The following CTNNA2 variants were observed in gnomAD, a reference collection of about 807,000 sequenced individuals.
The protein encoded by CTNNA2 is catenin alpha 2.
CTNNA2 carries 42 observed loss-of-function variants against 101.0 expected under a neutral mutation model. The observed-to-expected ratio is 0.42, with a 90% CI of 0.32 to 0.54. The LOEUF is 0.54. Ranked by LOEUF, CTNNA2 falls within the 20% of genes least tolerant of loss-of-function variation. The pLI, the probability that CTNNA2 is intolerant of heterozygous loss-of-function variation, is 0.14. For missense variants in CTNNA2, 871 were observed against 1,223.1 expected (o/e 0.71, Z 4.29); for synonymous variants, 450 against 456.4 (o/e 0.99, Z 0.18).
At chr2:80,440,164 T>G (rs1682431007) in intron 9 of CTNNA2, among the ~76,000 whole-genome samples, 1 of 152,176 alleles carries the variant, frequency 6.6e-6, no homozygotes, top group Admixed American at 6.5e-5. Context: ...TGGAAAGGAT[T>G]GATTTTGGTG....
intron 7 of CTNNA2, among the ~76,000 whole-genome samples, chr2:80,105,757 A>T (rs1281595561): frequency 6.6e-6 from 1 of 152,088 alleles, no homozygotes; most frequent in Middle Eastern, 3.2e-3. Context: ...ATTGAACTTA[A>T]AATGCATCTA....
intron 2 of CTNNA2, among the ~76,000 whole-genome samples, chr2:79,205,227 C>A (rs190392852): frequency 9.9e-4 from 150 of 152,190 alleles, no homozygotes; most frequent in African/African-American, 3.2e-3. Context: ...CTGGAGAGAC[C>A]ACATGGAGAG....
chr2:80,206,310 T>C (rs1030354382), intron 7 of CTNNA2, among the ~76,000 whole-genome samples: 15 of 152,214 alleles, frequency 9.9e-5, no homozygotes, highest in Non-Finnish European at 1.5e-4. Flanking sequence ...CCCCAAGGAA[T>C]CCTTGATTTC....
At chr2:79,294,027 T>C (rs1329339098) in intron 2 of CTNNA2, among the ~76,000 whole-genome samples, 1 of 152,056 alleles carries the variant, frequency 6.6e-6, no homozygotes, top group Non-Finnish European at 1.5e-5. Flanking sequence ...TGGTCTGCCA[T>C]AACAAAGCTC....
chr2:79,682,743 T>G (rs2104651207), intron 2 of CTNNA2, among the ~76,000 whole-genome samples: 1 of 152,296 alleles, frequency 6.6e-6, no homozygotes, highest in African/African-American at 2.4e-5. Flanking sequence ...TTTTTTATTT[T>G]TAGTGTAAGT....
chr2:79,581,447 C>A (rs1676141379), intron 1 of CTNNA2, among the ~76,000 whole-genome samples: 1 of 152,054 alleles, frequency 6.6e-6, no homozygotes, highest in Non-Finnish European at 1.5e-5. Context: ...ATTGCTTGAA[C>A]CCTGGAGGCA....
chr2:79,276,535 G>A (rs1675217470), intron 2 of CTNNA2, among the ~76,000 whole-genome samples: 1 of 151,980 alleles, frequency 6.6e-6, no homozygotes. Context: ...GTCTGATATT[G>A]ATATTGCCAA....
At chr2:80,238,398 A>G (rs7599126) in intron 7 of CTNNA2, among the ~76,000 whole-genome samples, 18,404 of 152,218 alleles carry the variant, frequency 0.12, 2,621 homozygotes, top group African/African-American at 0.34. Context: ...ATAAGAAATA[A>G]CATTACAAGG....
intron 3 of CTNNA2, among the ~76,000 whole-genome samples, chr2:79,318,235 C>T (rs989657761): frequency 3.9e-5 from 6 of 151,952 alleles, no homozygotes; most frequent in African/African-American, 1.5e-4. Context: ...TTGTCATGTC[C>T]AGATATTGGA....
chr2:79,305,373 C>CATATATATATAT (rs56285145), intron 2 of CTNNA2, among the ~76,000 whole-genome samples: 103 of 138,246 alleles, frequency 7.5e-4, no homozygotes, highest in African/African-American at 2.4e-3. Context: ...TATATATACA[C>CATATATATATAT]ATATATATAT....
intron 15 of CTNNA2, among the ~76,000 whole-genome samples, chr2:80,592,793 CAG>C (rs997190372): frequency 2.6e-5 from 4 of 152,082 alleles, no homozygotes; most frequent in Non-Finnish European, 4.4e-5. Flanking sequence ...TGGATTAACT[CAG>C]AATTTGAATT....
At chr2:80,544,840 A>T in intron 9 of CTNNA2, 142 bp from the exon 10 acceptor site, 1 of 650,584 alleles carries the variant, frequency 1.5e-6, no homozygotes, top group Non-Finnish European at 2.6e-6. Flanking sequence ...AGTTGGTTCT[A>T]CATGAAGGCC....
At chr2:80,011,196 C>T (rs896377238) in intron 7 of CTNNA2, among the ~76,000 whole-genome samples, 1 of 152,078 alleles carries the variant, frequency 6.6e-6, no homozygotes, top group Admixed American at 6.6e-5. Context: ...ATTATAAAAG[C>T]CTTCACATCA....
intron 6 of CTNNA2, among the ~76,000 whole-genome samples, chr2:79,887,936 C>T (rs1684009255): frequency 6.6e-6 from 1 of 152,176 alleles, no homozygotes; most frequent in Admixed American, 6.5e-5. Context: ...CCTACACTGA[C>T]ATCTGGTGGC....
At chr2:79,905,357 CA>C (rs1047680177) in intron 6 of CTNNA2, among the ~76,000 whole-genome samples, 5 of 151,866 alleles carry the variant, frequency 3.3e-5, no homozygotes, top group Admixed American at 1.3e-4. Flanking sequence ...ACTAAAAGGT[CA>C]AAAAGATAAA....
chr2:80,295,656 A>G (rs1157991561), intron 7 of CTNNA2, among the ~76,000 whole-genome samples: 1 of 152,224 alleles, frequency 6.6e-6, no homozygotes, highest in Non-Finnish European at 1.5e-5. Flanking sequence ...ACCTAGAAGA[A>G]TCCTTCTAAA....
At position 80,606,412 on chromosome 2, in the gene CTNNA2, A is replaced by ACCC. The variant is rs1553407272; in HGVS notation, c.2296-1768_2296-1766dup. ...CACACACACACACACACACACACAC[A>ACCC]CCCCCCAGGATACATTTATTTTGAG... On this transcript the variant is annotated intron_variant, in intron 16 of 18. Coordinates refer to ENST00000402739, the MANE Select transcript of CTNNA2 (RefSeq NM_001282597.3). Among the ~76,000 whole-genome samples the ACCC allele has an allele frequency of 1.0e-4, 5 of 48,684 alleles. No homozygotes were observed. In the East Asian group the frequency reaches 1.5e-3, roughly 14 times the overall value. The allele number at this position is 48,684 out of a possible 152,430, so 31.9% of individuals were successfully genotyped here.
At chr2:79,772,162 AT>A in intron 3 of CTNNA2, among the ~76,000 whole-genome samples, 1 of 151,906 alleles carries the variant, frequency 6.6e-6, no homozygotes, top group South Asian at 2.1e-4. Context: ...TTTCACTAAT[AT>A]TTATTAACTG....
intron 4 of CTNNA2, among the ~76,000 whole-genome samples, chr2:79,471,097 C>G (rs747181092): frequency 1.3e-5 from 2 of 152,094 alleles, no homozygotes; most frequent in African/African-American, 2.4e-5. Context: ...AGAAAAGTAA[C>G]TATATAGGCT....
Sources: allele counts gnomAD v4.1 joint callset (sites outside exome capture counted in the v4.1 genomes callset), GRCh38; gene constraint gnomAD v4.1.1; transcripts MANE v1.5; gene names NCBI Gene and HGNC (gene_info 2026-07-23, HGNC 2026-07-21).